The following ESRP1 variants were observed in gnomAD, a reference collection of about 807,000 sequenced individuals.
ESRP1 encodes RNA-binding motif protein 35A.
ESRP1 carries 33 observed loss-of-function variants against 81.7 expected under a neutral mutation model. The observed-to-expected ratio is 0.40, with a 90% CI of 0.31 to 0.54. ESRP1 has a LOEUF of 0.54. ESRP1 is among the 20% of genes least tolerant of loss of function. The pLI is 0.41. For missense variants in ESRP1, 672 were observed against 833.1 expected, an observed-to-expected ratio of 0.81 and a Z score of 2.38; for synonymous variants, 320 against 303.3, an observed-to-expected ratio of 1.06 and a Z score of -0.57.
At position 94,706,218 on chromosome 8, in the gene ESRP1, G is replaced by T; in HGVS notation, c.*329G>T. ...TACTTCCAGTTAAAGTGGCATCATAGGTGTTTCCTAAGTTTTAAGTCTTGG... is the reference window on the plus strand; with the variant it reads ...TACTTCCAGTTAAAGTGGCATCATATGTGTTTCCTAAGTTTTAAGTCTTGG... On this transcript the variant is annotated 3_prime_UTR_variant, in exon 16 of 16. Transcript: ENST00000433389. The T allele has an allele frequency of 4.6e-6, 2 of 433,912 alleles. No individual in the cohort carries two copies. The highest frequency in any genetic ancestry group is 3.8e-5 in the East Asian group (1 of 26,004). 26.9% of individuals were successfully genotyped at this position (433,912 alleles called of 1,614,324 possible).
chr8:94,671,890 CTA>C (rs1819350511), intron 11 of ESRP1, among the ~76,000 whole-genome samples: 1 of 152,160 alleles, frequency 6.6e-6, no homozygotes, highest in South Asian at 2.1e-4. Flanking sequence ...CAGTTACACA[CTA>C]AGTCTTTAAG....
At chr8:94,691,239 G>T (rs935662030) in intron 13 of ESRP1, among the ~76,000 whole-genome samples, 4 of 151,824 alleles carry the variant, frequency 2.6e-5, no homozygotes, top group African/African-American at 9.7e-5. Flanking sequence ...AATTTGTTGG[G>T]GTAGTATCTC....
chr8:94,657,598 T>G (rs774433279), intron 4 of ESRP1, among the ~76,000 whole-genome samples: 1 of 152,012 alleles, frequency 6.6e-6, no homozygotes, highest in Non-Finnish European at 1.5e-5. Flanking sequence ...CTGATCCTGG[T>G]GTGCGATGGC....
At chr8:94,673,510 T>A (rs924253365) in intron 11 of ESRP1, among the ~76,000 whole-genome samples, 5 of 152,334 alleles carry the variant, frequency 3.3e-5, no homozygotes, top group African/African-American at 1.2e-4. Context: ...AAAGTAGTCC[T>A]GTAAGCTGAT....
At chr8:94,658,928 T>A (rs1055513002) in intron 4 of ESRP1, among the ~76,000 whole-genome samples, 2 of 152,228 alleles carry the variant, frequency 1.3e-5, no homozygotes, top group Admixed American at 6.5e-5. Context: ...TAAATTTTCA[T>A]CTTTTATTTT....
intron 12 of ESRP1, among the ~76,000 whole-genome samples, chr8:94,676,605 T>C (rs570423352): frequency 6.6e-6 from 1 of 152,022 alleles, no homozygotes; most frequent in Admixed American, 6.5e-5. Flanking sequence ...GTTGAAGTGA[T>C]TCTCCTGCCT....
chr8:94,654,868 C>T (rs1586185121), intron 4 of ESRP1, among the ~76,000 whole-genome samples: 1 of 150,112 alleles, frequency 6.7e-6, no homozygotes, highest in Middle Eastern at 3.4e-3. Flanking sequence ...GATGTCAAAG[C>T]TATAGTGAGC....
intron 13 of ESRP1, among the ~76,000 whole-genome samples, chr8:94,683,671 A>G (rs752792300): frequency 2.0e-5 from 3 of 152,244 alleles, no homozygotes; most frequent in Non-Finnish European, 4.4e-5. Context: ...ATGATGCTAG[A>G]AATAATAGTA....
intron 6 of ESRP1, among the ~76,000 whole-genome samples, chr8:94,663,258 A>G (rs1343943231): frequency 1.3e-5 from 2 of 152,164 alleles, no homozygotes; most frequent in South Asian, 2.1e-4. Context: ...TTATTTATTT[A>G]TTTTAGTTTT....
intron 13 of ESRP1, among the ~76,000 whole-genome samples, chr8:94,684,836 G>T (rs755663619): frequency 2.6e-5 from 4 of 151,934 alleles, no homozygotes; most frequent in Non-Finnish European, 5.9e-5. Flanking sequence ...TAGGAGGATC[G>T]CTGGAGCCCA....
At position 94,642,119 on chromosome 8, in the gene ESRP1, T is replaced by A. The variant is rs201569892; in HGVS notation, c.261+35T>A. The A allele has an allele frequency of 2.5e-4, 393 of 1,601,646 alleles. 2 individuals are homozygous for A. In the African/African-American group the frequency reaches 4.9e-3, roughly 20 times the overall value. On this transcript the variant is annotated intron_variant, in intron 2 of 15. Coordinates refer to ENST00000433389, the MANE Select transcript of ESRP1 (RefSeq NM_017697.4). ...CCGGGTCACGCCACCCACCCCAGCCTGGGCCCAACCCCACCGCACCCTACG... is the reference window on the plus strand; with the variant it reads ...CCGGGTCACGCCACCCACCCCAGCCAGGGCCCAACCCCACCGCACCCTACG...
At chr8:94,651,726 C>G (rs1818140920) in intron 4 of ESRP1, among the ~76,000 whole-genome samples, 1 of 151,936 alleles carries the variant, frequency 6.6e-6, no homozygotes, top group South Asian at 2.1e-4. Flanking sequence ...AAGCGATTTT[C>G]CTGCCTCAGC....
chr8:94,672,387 A>G (rs1433529016), intron 11 of ESRP1, among the ~76,000 whole-genome samples: 1 of 152,180 alleles, frequency 6.6e-6, no homozygotes, highest in Non-Finnish European at 1.5e-5. Flanking sequence ...CCATATGCAA[A>G]TGTAAAGTAT....
At chr8:94,697,312 G>A (rs989352803) in intron 15 of ESRP1, among the ~76,000 whole-genome samples, 1 of 152,080 alleles carries the variant, frequency 6.6e-6, no homozygotes, top group Non-Finnish European at 1.5e-5. Context: ...TTACAACTCA[G>A]TGGTTTTTAG....
intron 9 of ESRP1, among the ~76,000 whole-genome samples, chr8:94,666,173 A>G (rs1265632290): frequency 1.3e-5 from 2 of 152,138 alleles, no homozygotes; most frequent in East Asian, 1.9e-4. Flanking sequence ...ACATTACTCA[A>G]TTTTCTTAAA....
intron 14 of ESRP1, among the ~76,000 whole-genome samples, chr8:94,694,099 C>T (rs1290281695): frequency 1.3e-5 from 2 of 152,118 alleles, no homozygotes; most frequent in Non-Finnish European, 2.9e-5. Flanking sequence ...GAAAAGGTTG[C>T]TTATTATGGA....
chr8:94,670,909 A>T (rs1819285349), intron 10 of ESRP1, among the ~76,000 whole-genome samples: 1 of 152,242 alleles, frequency 6.6e-6, no homozygotes, highest in Admixed American at 6.5e-5. Context: ...ATTATTCAGC[A>T]TTATATTTTA....
intron 4 of ESRP1, among the ~76,000 whole-genome samples, chr8:94,655,067 G>T (rs72676916): frequency 0.47 from 50,270 of 107,802 alleles, 9,314 homozygotes; most frequent in East Asian, 0.6. Context: ...TGGGTTTTTT[G>T]TGTGTGTGTG....
At position 94,689,811 on chromosome 8, in the gene ESRP1, C is replaced by CTTTTTTTTTTTTT. The variant is rs58359551; in HGVS notation, c.1821-2853_1821-2841dup. ...CACAGGCATGTGCTATGATGCCTGGCTTTTTTTTTTTTTTTTTTTTTTTTT... is the reference window on the plus strand; with the variant it reads ...CACAGGCATGTGCTATGATGCCTGGCTTTTTTTTTTTTTTTTTTTTTTTTTTTTTTTTTTTTTT... On this transcript the variant is annotated intron_variant, in intron 13 of 15. Coordinates refer to ENST00000433389, the MANE Select transcript of ESRP1 (RefSeq NM_017697.4). Among the ~76,000 whole-genome samples, 65 of 64,650 alleles carry CTTTTTTTTTTTTT rather than the reference C, an allele frequency of 1.0e-3. 4 individuals carry two copies. The highest frequency in any genetic ancestry group is 3.4e-3 in the African/African-American group (50 of 14,506). The allele number at this position is 64,650 out of a possible 152,430, so 42.4% of individuals were successfully genotyped here. A position where few individuals can be genotyped will look rare whatever the true frequency, so the allele number is the denominator to read the frequency against.
Sources: gnomAD v4.1 joint callset for allele counts (sites outside exome capture counted in the v4.1 genomes callset) on GRCh38, gnomAD v4.1.1 for gene constraint, MANE v1.5 for transcripts, NCBI Gene and HGNC (gene_info 2026-07-23, HGNC 2026-07-21) for gene names.